RPAP2: variants seen among roughly 807,000 people sequenced by gnomAD.
RPAP2 encodes putative RNA polymerase II subunit B1 CTD phosphatase RPAP2.
A neutral mutation model predicts 73.1 loss-of-function variants in RPAP2; 52 were observed. That is an observed-to-expected ratio of 0.71 (90% confidence interval 0.57 to 0.90). The LOEUF is 0.90. RPAP2 is among the 40% of genes least tolerant of loss of function. The pLI is 0.00. For missense variants in RPAP2, 598 were observed against 701.8 expected (o/e 0.85, Z 1.67); for synonymous variants, 225 against 242.1 (o/e 0.93, Z 0.65).
chr1:92,360,237 C>T (rs1323730261), intron 11 of RPAP2, among the ~76,000 whole-genome samples: 1 of 152,172 alleles, frequency 6.6e-6, no homozygotes, highest in Admixed American at 6.5e-5. Flanking sequence ...GAAGTAGTTG[C>T]TGTCTGCTAA....
rs142402110 is a variant in RPAP2, at chr1:92,318,473, A to G, written c.489-2126A>G. The stretch of plus-strand genomic sequence containing the variant: ...TCCCTTTGGCCCTGTTCTCTCTACT[A>G]TGTTTTTCCCACCTTTTTTTTCTTT... On this transcript the variant is annotated intron_variant, in intron 6 of 12. Coordinates refer to ENST00000610020, the MANE Select transcript of RPAP2 (RefSeq NM_024813.3). 5.3e-5 allele frequency among the ~76,000 whole-genome samples: 8 copies of G among 152,234 alleles called. No homozygotes were observed. The East Asian group carries it at 9.7e-4, about 18-fold the overall frequency.
chr1:92,317,659 A>G (rs548292372), intron 6 of RPAP2, among the ~76,000 whole-genome samples: 1 of 152,310 alleles, frequency 6.6e-6, no homozygotes, highest in Admixed American at 6.5e-5. Context: ...ACTTCATGCT[A>G]CTGAACTATA....
At chr1:92,333,921 GT>G (rs1653121311) in intron 9 of RPAP2, among the ~76,000 whole-genome samples, 1 of 152,184 alleles carries the variant, frequency 6.6e-6, no homozygotes, top group Non-Finnish European at 1.5e-5. Context: ...ATGAGTTTTT[GT>G]TCAACTCAAC....
At chr1:92,328,067 T>C (rs1298306764) in intron 8 of RPAP2, among the ~76,000 whole-genome samples, 1 of 152,230 alleles carries the variant, frequency 6.6e-6, no homozygotes, top group Admixed American at 6.5e-5. Flanking sequence ...TCTGATGCTT[T>C]TGCCTCACTG....
rs1457872678 is a variant in RPAP2 at position 92,328,577 on chromosome 1, T to C, written c.1455+4202T>C. On this transcript the variant is annotated intron_variant, in intron 8 of 12. Coordinates refer to ENST00000610020, the MANE Select transcript of RPAP2 (RefSeq NM_024813.3). ...GTATGATTTGTTTGATTTCTTTAAG[T>C]TGGGCCTCACCTTTCTCTGGTGCCT... Among the ~76,000 whole-genome samples the C allele has an allele frequency of 5.3e-5, 8 of 152,242 alleles. No homozygotes were observed. The East Asian group carries it at 1.5e-3, about 29-fold the overall frequency.
chr1:92,313,022 C>T (rs1183997163), intron 6 of RPAP2, among the ~76,000 whole-genome samples: 1 of 152,124 alleles, frequency 6.6e-6, no homozygotes, highest in African/African-American at 2.4e-5. Context: ...TGCGCCACCA[C>T]ACCCGGCTTA....
intron 11 of RPAP2, among the ~76,000 whole-genome samples, chr1:92,378,055 T>C (rs1013729579): frequency 2.0e-5 from 3 of 152,162 alleles, no homozygotes; most frequent in African/African-American, 7.2e-5. Context: ...GTTTGGACAT[T>C]TGGGTTAAGT....
rs2101469213 is a variant in RPAP2 at position 92,392,629 on chromosome 1, GA to G, written c.*5622del. ...TGCAGATGACATGATTGTATATTTA[GA>G]AAACCCCATCGTCTCATCCCAAAAT... On this transcript the variant is annotated 3_prime_UTR_variant, in exon 13 of 13. Transcript: ENST00000610020. 1 of 152,294 alleles carries G rather than the reference GA, an allele frequency of 6.6e-6. No individual in the cohort carries two copies. Among genetic ancestry groups the G allele is most frequent in the African/African-American group, 2.4e-5 (1 of 41,564 alleles). The allele number at this position is 152,294 out of a possible 1,614,324, so 9.4% of individuals were successfully genotyped here. A position where few individuals can be genotyped will look rare whatever the true frequency, so the allele number is the denominator to read the frequency against.
intron 8 of RPAP2, among the ~76,000 whole-genome samples, chr1:92,328,800 AG>A (rs1377639631): frequency 2.6e-5 from 4 of 152,196 alleles, no homozygotes; most frequent in Non-Finnish European, 5.9e-5. Flanking sequence ...CTGGGACTCA[AG>A]GGCTGCTGTT....
chr1:92,362,531 A>G (rs920360112), intron 11 of RPAP2, among the ~76,000 whole-genome samples: 1 of 152,162 alleles, frequency 6.6e-6, no homozygotes, highest in African/African-American at 2.4e-5. Flanking sequence ...ATTTTAGTAC[A>G]GCTCAAGTAT....
chr1:92,302,162 A>G (rs1178859832), intron 3 of RPAP2, among the ~76,000 whole-genome samples: 3 of 152,124 alleles, frequency 2.0e-5, no homozygotes, highest in Admixed American at 2.0e-4. Flanking sequence ...CTGTAATCCC[A>G]GCTGCTCAGG....
intron 7 of RPAP2, 41 bp downstream of exon 7, chr1:92,320,675 G>T: frequency 1.3e-6 from 2 of 1,528,914 alleles, no homozygotes; most frequent in Non-Finnish European, 1.8e-6. Flanking sequence ...ATATATTTAT[G>T]TTAATAGAAA....
rs1656115395 is a variant in RPAP2 at position 92,393,851 on chromosome 1, A to T, written c.*6840A>T. 1 of 152,188 alleles carries T rather than the reference A, an allele frequency of 6.6e-6. No homozygotes were observed. Among genetic ancestry groups the T allele is most frequent in the South Asian group, 2.1e-4 (1 of 4,826 alleles). The allele number at this position is 152,188 out of a possible 1,614,324, so 9.4% of individuals were successfully genotyped here. A position where few individuals can be genotyped will look rare whatever the true frequency, so the allele number is the denominator to read the frequency against. On this transcript the variant is annotated 3_prime_UTR_variant, in exon 13 of 13. Transcript: ENST00000610020. ...ATAGATGCTGGAGAGGTTGTGGAAA[A>T]ATTGGAACGCTTTTACACTGTTGGT...
At chr1:92,367,977 G>A (rs1654994326) in intron 11 of RPAP2, among the ~76,000 whole-genome samples, 1 of 152,174 alleles carries the variant, frequency 6.6e-6, no homozygotes, top group African/African-American at 2.4e-5. Flanking sequence ...TATCATTTTA[G>A]GAAGGTGCCT....
intron 11 of RPAP2, among the ~76,000 whole-genome samples, chr1:92,370,812 A>C (rs1040140180): frequency 9.9e-5 from 15 of 152,198 alleles, no homozygotes; most frequent in Non-Finnish European, 1.9e-4. Context: ...TTTTGCTGAT[A>C]CTTTCTGCTA....
At chr1:92,335,741 A>G (rs1350779327) in intron 9 of RPAP2, among the ~76,000 whole-genome samples, 1 of 152,188 alleles carries the variant, frequency 6.6e-6, no homozygotes, top group African/African-American at 2.4e-5. Context: ...GTCTTATTCT[A>G]TTAAATGGGT....
chr1:92,307,022 A>C (rs1355512013), intron 5 of RPAP2, among the ~76,000 whole-genome samples, 166 bp from the exon 6 acceptor site: 1 of 152,172 alleles, frequency 6.6e-6, no homozygotes, highest in Non-Finnish European at 1.5e-5. Context: ...GGGAAGGGGC[A>C]CATAGAGGCC....
At chr1:92,380,256 T>C (rs1369362276) in intron 11 of RPAP2, among the ~76,000 whole-genome samples, 1 of 150,780 alleles carries the variant, frequency 6.6e-6, no homozygotes, top group East Asian at 1.9e-4. Context: ...CCAGCCTAGA[T>C]GACAGAAGCG....
chr1:92,327,715 C>CTT (rs555719301), intron 8 of RPAP2, among the ~76,000 whole-genome samples: 75 of 145,642 alleles, frequency 5.1e-4, no homozygotes, highest in African/African-American at 1.8e-3. Context: ...GCCTGAACAG[C>CTT]TTTTTTTTTT....
Sources: gnomAD v4.1 joint callset for allele counts (sites outside exome capture counted in the v4.1 genomes callset) on GRCh38, gnomAD v4.1.1 for gene constraint, MANE v1.5 for transcripts, NCBI Gene and HGNC (gene_info 2026-07-23, HGNC 2026-07-21) for gene names.